MRPL42: variants seen among roughly 807,000 people sequenced by gnomAD.
MRPL42 encodes the protein mitochondrial ribosomal protein L42.
A neutral mutation model predicts 17.9 loss-of-function variants in MRPL42; 17 were observed. The ratio of observed to expected loss-of-function variants is 0.95; its 90% CI spans 0.65 to 1.42. The LOEUF is 1.42. Among genes scored for constraint, MRPL42 ranks in the 40% most tolerant of loss-of-function variants. The pLI is 0.00. For missense variants in MRPL42, 177 were observed against 175.2 expected, an observed-to-expected ratio of 1.01 and a Z score of -0.06; for synonymous variants, 59 against 54.4, an observed-to-expected ratio of 1.08 and a Z score of -0.37.
intron 5 of MRPL42, among the ~76,000 whole-genome samples, chr12:93,497,865 A>G (rs1006345548): frequency 5.3e-5 from 8 of 151,208 alleles, no homozygotes; most frequent in African/African-American, 1.9e-4. Flanking sequence ...GAAACACTCT[A>G]GGCCTACAAC....
chr12:93,497,480 CAT>C (rs1198801764), intron 5 of MRPL42, among the ~76,000 whole-genome samples: 5 of 152,120 alleles, frequency 3.3e-5, no homozygotes, highest in South Asian at 2.1e-4. Flanking sequence ...AAACAAAAAA[CAT>C]ATGATCATTT....
chr12:93,485,543 C>T (rs762108570), intron 4 of MRPL42, among the ~76,000 whole-genome samples: 3 of 110,888 alleles, frequency 2.7e-5, no homozygotes, highest in Non-Finnish European at 4.0e-5. Context: ...TCACTAATAG[C>T]GTATGAATGT....
chr12:93,485,044 T>C lies in MRPL42; in HGVS notation c.220-2453T>C, dbSNP rs1592776722. 5.6e-5 allele frequency among the ~76,000 whole-genome samples: 3 copies of C among 53,340 alleles called. No individual in the cohort carries two copies. The South Asian group carries it at 2.1e-3, about 37-fold the overall frequency. The allele number at this position is 53,340 out of a possible 152,430, so 35.0% of individuals were successfully genotyped here. A position where few individuals can be genotyped will look rare whatever the true frequency, so the allele number is the denominator to read the frequency against. ...TATATATATAAACAGAGATGGGGGG[T>C]CTTACCATGGTGCCTAGGCTGGTCT... On this transcript the variant is annotated intron_variant, in intron 4 of 5. Transcript: ENST00000549982.
rs1953642794 is a variant in MRPL42 at position 93,504,363 on chromosome 12, A to G, written c.*3142A>G. 6.6e-6 allele frequency: 1 copy of G among 152,216 alleles called. No individual in the cohort carries two copies. The highest frequency in any genetic ancestry group is 6.6e-5 in the Admixed American group (1 of 15,250). The allele number at this position is 152,216 out of a possible 1,614,324, so 9.4% of individuals were successfully genotyped here. The stretch of plus-strand genomic sequence containing the variant: ...ACCATGTTGGTCAGGCTGGTCTCGA[A>G]CTCCTGACCTCAAGTGTCCACACAC... On this transcript the variant is annotated 3_prime_UTR_variant, in exon 6 of 6. Transcript: ENST00000549982.
chr12:93,476,994 TC>T lies in MRPL42; in HGVS notation c.113del (p.Pro38LeufsTer10). 6.2e-7 allele frequency: 1 copy of T among 1,606,816 alleles called. No individual in the cohort carries two copies. Among genetic ancestry groups the T allele is most frequent in the Middle Eastern group, 1.8e-4 (1 of 5,632 alleles). On this transcript the variant is annotated frameshift_variant, in exon 3 of 6. Coordinates refer to ENST00000549982, the MANE Select transcript of MRPL42 (RefSeq NM_014050.4). LOFTEE classifies it high-confidence loss of function. ...GTGTTTGTCATAAATCTACGTATTC[TC>T]CTCTACCAGATGACTATAATTGGTA... ...YCVCHKSTYS[P>X]LPDDYNCNVE...
intron 2 of MRPL42, among the ~76,000 whole-genome samples, chr12:93,473,664 C>T (rs1592766091): frequency 3.3e-5 from 5 of 152,150 alleles, no homozygotes; most frequent in Admixed American, 3.3e-4. Context: ...CTCCTGACCT[C>T]AGGTGATCTA....
At chr12:93,476,646 A>C (rs182160686) in intron 2 of MRPL42, among the ~76,000 whole-genome samples, 26 of 152,316 alleles carry the variant, frequency 1.7e-4, no homozygotes, top group Admixed American at 6.5e-4. Context: ...CTCCACTGAA[A>C]AGGCTTTCTT....
At chr12:93,476,144 A>AC (rs554742734) in intron 2 of MRPL42, among the ~76,000 whole-genome samples, 50 of 151,144 alleles carry the variant, frequency 3.3e-4, no homozygotes, top group Admixed American at 2.0e-3. Context: ...CACCACCACC[A>AC]CCCCCCCTTT....
At chr12:93,475,687 T>C (rs755051269) in intron 2 of MRPL42, among the ~76,000 whole-genome samples, 22 of 152,124 alleles carry the variant, frequency 1.4e-4, no homozygotes, top group Non-Finnish European at 2.8e-4. Flanking sequence ...CACAAGCTTT[T>C]AAAAAAGCAG....
intron 1 of MRPL42, 34 bp downstream of exon 1, chr12:93,467,588 C>T (rs1232929726): frequency 6.5e-6 from 1 of 152,714 alleles, no homozygotes; most frequent in Non-Finnish European, 1.5e-5. Flanking sequence ...CTGTCGAGGA[C>T]TTCCTCGAAA....
intron 2 of MRPL42, among the ~76,000 whole-genome samples, chr12:93,471,591 G>A (rs1185818859): frequency 1.3e-5 from 2 of 151,980 alleles, no homozygotes; most frequent in African/African-American, 4.8e-5. Context: ...ATGAGCCACC[G>A]CACCTGGCCA....
chr12:93,479,495 CA>C (rs1565811633), intron 4 of MRPL42, 23 bp downstream of exon 4: 16 of 1,532,632 alleles, frequency 1.0e-5, no homozygotes, highest in Non-Finnish European at 1.4e-5. Flanking sequence ...AAATTTCTTG[CA>C]GTTTTTAATT....
rs1448010355 is a variant in MRPL42 at position 93,504,937 on chromosome 12, T to C, written c.*3716T>C. ...GCCTAACATTGCCTAGCACATTCAT[T>C]GCTTCACAGGCATCTGAATATGGTT... On this transcript the variant is annotated 3_prime_UTR_variant, in exon 6 of 6. Coordinates refer to ENST00000549982, the MANE Select transcript of MRPL42 (RefSeq NM_014050.4). 6.6e-6 allele frequency: 1 copy of C among 152,222 alleles called. No homozygotes were observed. The highest frequency in any genetic ancestry group is 1.5e-5 in the Non-Finnish European group (1 of 68,042). 9.4% of individuals were successfully genotyped at this position (152,222 alleles called of 1,614,324 possible).
In MRPL42 at chr12:93,504,839, A is replaced by T. The variant is rs530394367; in HGVS notation, c.*3618A>T. The T allele has an allele frequency of 2.6e-5, 4 of 152,204 alleles. No individual in the cohort carries two copies. The highest frequency in any genetic ancestry group is 9.7e-5 in the African/African-American group (4 of 41,444). The allele number at this position is 152,204 out of a possible 1,614,324, so 9.4% of individuals were successfully genotyped here. A position where few individuals can be genotyped will look rare whatever the true frequency, so the allele number is the denominator to read the frequency against. Reference sequence around the variant, plus strand: ...TTGTGTGATTATTTGGTAAATGTCCATATCCCCTACTAGCCTATAAGCTCC... The same window carrying T: ...TTGTGTGATTATTTGGTAAATGTCCTTATCCCCTACTAGCCTATAAGCTCC... On this transcript the variant is annotated 3_prime_UTR_variant, in exon 6 of 6. Coordinates refer to ENST00000549982, the MANE Select transcript of MRPL42 (RefSeq NM_014050.4).
At chr12:93,496,712 T>C (rs563638843) in intron 5 of MRPL42, among the ~76,000 whole-genome samples, 1 of 69,914 alleles carries the variant, frequency 1.4e-5, no homozygotes, top group South Asian at 4.2e-4. Context: ...ACTTTAAAAA[T>C]AAAGACAGCC....
At position 93,469,446 on chromosome 12, in the gene MRPL42, T is replaced by C; in HGVS notation, c.70+91T>C. On this transcript the variant is annotated intron_variant, in intron 2 of 5. Transcript: ENST00000549982. ...ATTTAGTTATTGTATATGCCTGTAATTTGCAGGAGTGTTTGCAGCAATGGA... is the reference window on the plus strand; with the variant it reads ...ATTTAGTTATTGTATATGCCTGTAACTTGCAGGAGTGTTTGCAGCAATGGA... 5 of 873,562 alleles carry C rather than the reference T, an allele frequency of 5.7e-6. 1 individual carries two copies. The South Asian group carries it at 7.0e-5, about 12-fold the overall frequency. 54.1% of individuals were successfully genotyped at this position (873,562 alleles called of 1,614,324 possible).
chr12:93,500,417 G>A (rs1227452496), intron 5 of MRPL42, among the ~76,000 whole-genome samples: 1 of 152,102 alleles, frequency 6.6e-6, no homozygotes, highest in East Asian at 1.9e-4. Context: ...TGGGCATTAT[G>A]ATTTTTAACA....
At chr12:93,468,726 A>T (rs1304777154) in intron 1 of MRPL42, among the ~76,000 whole-genome samples, 15 of 151,672 alleles carry the variant, frequency 9.9e-5, no homozygotes, top group Admixed American at 9.8e-4. Context: ...ATATTTCTTT[A>T]TTATTATTAT....
intron 5 of MRPL42, among the ~76,000 whole-genome samples, chr12:93,499,709 A>G (rs1953556196): frequency 6.6e-6 from 1 of 152,166 alleles, no homozygotes; most frequent in South Asian, 2.1e-4. Context: ...TTACTGTTCC[A>G]TGTTAGTATA....
Sources: gnomAD v4.1 joint callset for allele counts (sites outside exome capture counted in the v4.1 genomes callset) on GRCh38, gnomAD v4.1.1 for gene constraint, MANE v1.5 for transcripts, NCBI Gene and HGNC (gene_info 2026-07-23, HGNC 2026-07-21) for gene names.